CHORDC1: variants seen among roughly 807,000 people sequenced by gnomAD.
CHORDC1 encodes the protein cysteine and histidine rich domain containing 1.
Under a neutral mutation model 48.3 loss-of-function variants are expected in CHORDC1, and 25 were observed. The observed-to-expected ratio is 0.52, with a 90% CI of 0.38 to 0.72. The LOEUF (loss-of-function observed/expected upper bound fraction) is 0.72, where lower values mean the gene tolerates loss of function less well. Among genes scored for constraint, CHORDC1 ranks in the 30% least tolerant of loss-of-function variants. The pLI is 0.00. For missense variants in CHORDC1, 317 were observed against 388.7 expected (o/e 0.82, Z 1.55); for synonymous variants, 128 against 126.4 (o/e 1.01, Z -0.09).
chr11:90,206,122 G>A (rs1325620257), intron 7 of CHORDC1, 80 bp downstream of exon 7: 3 of 879,230 alleles, frequency 3.4e-6, no homozygotes, highest in Admixed American at 1.9e-5. Flanking sequence ...ACACTGCATG[G>A]CAAACAATGT....
At chr11:90,215,032 G>A (rs1194847874) in intron 3 of CHORDC1, 142 bp downstream of exon 3, 2 of 455,668 alleles carry the variant, frequency 4.4e-6, no homozygotes, top group Non-Finnish European at 8.0e-6. Context: ...GTGGAAGGGA[G>A]ATGAGCTGCT....
At chr11:90,207,779 C>CAAAAAAAA (rs1231587858) in intron 6 of CHORDC1, 1 of 91,304 alleles carries the variant, frequency 1.1e-5, no homozygotes, top group African/African-American at 4.1e-5. Context: ...AAAAAAAAAA[C>CAAAAAAAA]AAAAAAAACT....
rs1349061837 is a variant in CHORDC1 at position 90,201,528 on chromosome 11, TTTCCACAAAC to T, written c.*867_*876del. ...TTTAGTTTTCTGATATCCTAATGTA[TTTCCACAAAC>T]CTTTTAAGTCTACAATTTTATATAG... On this transcript the variant is annotated 3_prime_UTR_variant, in exon 11 of 11. Transcript: ENST00000320585. The T allele has an allele frequency of 1.3e-5, 2 of 152,468 alleles. No individual in the cohort carries two copies. Among genetic ancestry groups the T allele is most frequent in the Non-Finnish European group, 2.9e-5 (2 of 67,884 alleles). 9.4% of individuals were successfully genotyped at this position (152,468 alleles called of 1,614,324 possible). A position where few individuals can be genotyped will look rare whatever the true frequency, so the allele number is the denominator to read the frequency against.
intron 7 of CHORDC1, 168 bp downstream of exon 7, chr11:90,206,034 A>G (rs1857671269): frequency 3.2e-6 from 2 of 626,414 alleles, no homozygotes; most frequent in East Asian, 5.7e-5. Context: ...TCATGTATAA[A>G]CACACAACAT....
chr11:90,203,190 G>T, intron 9 of CHORDC1, 118 bp downstream of exon 9: 1 of 976,134 alleles, frequency 1.0e-6, no homozygotes, highest in Non-Finnish European at 1.5e-6. Flanking sequence ...TTTAATGGGA[G>T]TCATTATAAA....
intron 1 of CHORDC1, among the ~76,000 whole-genome samples, chr11:90,221,444 G>T (rs561734833): frequency 6.6e-6 from 1 of 152,240 alleles, no homozygotes; most frequent in East Asian, 1.9e-4. Context: ...GGTTTTCCTG[G>T]TCGCTTTCTG....
chr11:90,221,843 C>G lies in CHORDC1; in HGVS notation c.64+1048G>C, dbSNP rs546353342. Among the ~76,000 whole-genome samples, 9 of 152,296 alleles carry G rather than the reference C, an allele frequency of 5.9e-5. No individual in the cohort carries two copies. In the East Asian group the frequency reaches 1.5e-3, roughly 26 times the overall value. ...GTGTGCCAAAAATAAGTATTTCAAA[C>G]ATCTCAGAGGTGAAGAGTTCAAAAG... On this transcript the variant is annotated intron_variant, in intron 1 of 10. Transcript: ENST00000320585.
In CHORDC1 at chr11:90,212,142, T is replaced by C. The variant is rs553914145; in HGVS notation, c.330-824A>G. ...AAAAAATATTAGTCGGTCACTGATA[T>C]GGTTTCCCTGTGTCACCAACCAAAT... On this transcript the variant is annotated intron_variant, in intron 4 of 10. Transcript: ENST00000320585. 4 of 152,300 alleles carry C rather than the reference T, an allele frequency of 2.6e-5. No homozygotes were observed. The East Asian group carries it at 5.8e-4, about 22-fold the overall frequency. The allele number at this position is 152,300 out of a possible 1,614,324, so 9.4% of individuals were successfully genotyped here. A position where few individuals can be genotyped will look rare whatever the true frequency, so the allele number is the denominator to read the frequency against.
chr11:90,210,310 A>G (rs1487835595), intron 6 of CHORDC1, among the ~76,000 whole-genome samples: 4 of 152,204 alleles, frequency 2.6e-5, no homozygotes, highest in African/African-American at 7.2e-5. Flanking sequence ...CTGGCACATA[A>G]TAAGTGCTCA....
intron 9 of CHORDC1, 73 bp from the exon 10 acceptor site, chr11:90,202,948 A>C: frequency 6.8e-7 from 1 of 1,463,776 alleles, no homozygotes; most frequent in Non-Finnish European, 9.1e-7. Context: ...TGATTATAAA[A>C]ATAAGACTGA....
intron 2 of CHORDC1, among the ~76,000 whole-genome samples, chr11:90,217,571 C>A (rs775660142): frequency 6.6e-6 from 1 of 152,068 alleles, no homozygotes; most frequent in East Asian, 1.9e-4. Context: ...TCAATACAAC[C>A]ACTCTATTTT....
intron 4 of CHORDC1, chr11:90,213,477 G>C: frequency 1.5e-6 from 1 of 669,016 alleles, no homozygotes; most frequent in Non-Finnish European, 2.7e-6. Context: ...CTGGTTATCA[G>C]AAGGCAAGTA....
Position 90,206,249 on chromosome 11 carries a change from T to G in CHORDC1, c.516A>C (p.Leu172=), listed in dbSNP as rs981123438. Residue 172 remains leucine (L), a synonymous_variant, in exon 7 of 11, where the codon CTA becomes CTC. Coordinates refer to ENST00000320585, the MANE Select transcript of CHORDC1 (RefSeq NM_012124.3). ...CAGAATGATATACACAGACTTCTTC[T>G]AGACTCTCTAGACCCTGGTATGTCT... ...CSKTYQGLES[L]EEVCVYHSGV... The G allele has an allele frequency of 6.4e-7, 1 of 1,570,648 alleles. No individual in the cohort carries two copies. Among genetic ancestry groups the G allele is most frequent in the African/African-American group, 1.3e-5 (1 of 74,268 alleles).
chr11:90,214,178 G>A lies in CHORDC1; in HGVS notation c.172-3C>T. On this transcript the variant is annotated splice_region_variant and splice_polypyrimidine_tract_variant and intron_variant, in intron 3 of 10. Transcript: ENST00000320585. ...TTATGTCTACCTTTTGTACAGCCCT[G>A]TTAGTGAAAGATAATTCATTAAGAG... The A allele has an allele frequency of 6.3e-7, 1 of 1,587,738 alleles. No homozygotes were observed.
chr11:90,222,659 C>T, intron 1 of CHORDC1: 1 of 691,132 alleles, frequency 1.4e-6, no homozygotes, highest in East Asian at 2.8e-5. Context: ...CGTCTCTCTC[C>T]GCAGTGGCAG....
chr11:90,221,045 T>A (rs570630630), intron 1 of CHORDC1, among the ~76,000 whole-genome samples: 2 of 151,838 alleles, frequency 1.3e-5, no homozygotes, highest in East Asian at 3.9e-4. Context: ...GAAAAAAAAA[T>A]CATGAGACTA....
Position 90,200,480 on chromosome 11 carries a change from C to T in CHORDC1, c.*1925G>A, listed in dbSNP as rs1439050634. On this transcript the variant is annotated 3_prime_UTR_variant, in exon 11 of 11. Transcript: ENST00000320585. ...CTTTTTATTAACTTTTTTGACAAAC[C>T]GATAGTAAAACATATGCTACCTAAC... 1.3e-5 allele frequency among the ~76,000 whole-genome samples: 2 copies of T among 151,760 alleles called. No homozygotes were observed. Among genetic ancestry groups the T allele is most frequent in the African/African-American group, 4.8e-5 (2 of 41,364 alleles).
chr11:90,222,689 G>C (rs1309098650), intron 1 of CHORDC1: 1 of 700,434 alleles, frequency 1.4e-6, no homozygotes, highest in Non-Finnish European at 2.6e-6. Context: ...AGGCGCCGGG[G>C]CCGGGCGCTC....
rs770968039 is a variant in CHORDC1, at chr11:90,205,434, G to GTGCT, written c.669+22_669+25dup. The stretch of plus-strand genomic sequence containing the variant: ...TGACTCAGATGAATATAAACCCAGT[G>GTGCT]TGCTATTTTTGGAAGAGTTACTTAC... On this transcript the variant is annotated intron_variant, in intron 8 of 10. Coordinates refer to ENST00000320585, the MANE Select transcript of CHORDC1 (RefSeq NM_012124.3). 7 of 1,183,884 alleles carry GTGCT rather than the reference G, an allele frequency of 5.9e-6. No individual in the cohort carries two copies. In the South Asian group the frequency reaches 7.7e-5, roughly 13 times the overall value. 73.3% of individuals were successfully genotyped at this position (1,183,884 alleles called of 1,614,324 possible). A position where few individuals can be genotyped will look rare whatever the true frequency, so the allele number is the denominator to read the frequency against.
Sources: allele counts gnomAD v4.1 joint callset (sites outside exome capture counted in the v4.1 genomes callset), GRCh38; gene constraint gnomAD v4.1.1; transcripts MANE v1.5; gene names NCBI Gene and HGNC (gene_info 2026-07-23, HGNC 2026-07-21).